SCN9A: variants seen among roughly 807,000 people sequenced by gnomAD.
SCN9A encodes sodium voltage-gated channel alpha subunit 9, also known as sodium channel protein type 9 subunit alpha.
SCN9A carries 131 observed loss-of-function variants against 187.0 expected under a neutral mutation model. The ratio of observed to expected loss-of-function variants is 0.70; its 90% CI spans 0.61 to 0.81. SCN9A has a LOEUF of 0.81. SCN9A is among the 30% of genes least tolerant of loss of function. SCN9A has a pLI of 0.00. For missense variants in SCN9A, 2,252 were observed against 2,396.6 expected (o/e 0.94, Z 1.26); for synonymous variants, 809 against 808.6 (o/e 1.00, Z -0.01).
intron 12 of SCN9A, among the ~76,000 whole-genome samples, chr2:166,283,612 C>A (rs115439062): frequency 3.3e-5 from 5 of 152,256 alleles, no homozygotes; most frequent in African/African-American, 1.2e-4. Context: ...TTTGGAACTG[C>A]TGTAAAATGA....
chr2:166,277,005 A>G lies in SCN9A; in HGVS notation c.2852T>C (p.Val951Ala), dbSNP rs201890077. 185 of 1,613,732 alleles carry G rather than the reference A, an allele frequency of 1.1e-4. 1 individual carries two copies. In the South Asian group the frequency reaches 1.9e-3, roughly 16 times the overall value. The change falls in exon 16 of 27, where the codon GTC becomes GCC. Residue 951 changes from valine to alanine, a missense_variant. By Grantham distance (64) the Val-to-Ala change is moderately conservative. This residue lies in a region of SCN9A where 119 missense variants were observed against 188.7 expected (regional missense o/e 0.63). Coordinates refer to ENST00000642356, the MANE Select transcript of SCN9A (RefSeq NM_001365536.1). ...TACCACCAGGTTTCCAATGACCATG[A>G]CCATCATGTAAACAATAAGGCACAT... is the stretch of plus-strand genomic sequence containing the variant. ...QAMCLIVYMM[V>A]MVIGNLVVLN...
chr2:166,313,027 T>C (rs1699011427), intron 1 of SCN9A, among the ~76,000 whole-genome samples: 1 of 27,418 alleles, frequency 3.6e-5, no homozygotes, highest in Admixed American at 2.6e-4. Flanking sequence ...AATATAGTTA[T>C]TATTTAATTT....
chr2:166,210,482 A>AAAAAAT (rs1694034457), intron 24 of SCN9A, among the ~76,000 whole-genome samples: 1 of 149,992 alleles, frequency 6.7e-6, no homozygotes, highest in African/African-American at 2.4e-5. Flanking sequence ...ATAAAAAAAT[A>AAAAAAT]AAAAATAAAA....
intron 24 of SCN9A, among the ~76,000 whole-genome samples, chr2:166,206,671 AAG>A (rs1006352287): frequency 6.6e-6 from 1 of 152,212 alleles, no homozygotes; most frequent in Non-Finnish European, 1.5e-5. Flanking sequence ...ATAATAAAAA[AAG>A]AATAGGGGCT....
rs979623696 is a variant in SCN9A at position 166,198,111 on chromosome 2, A to G, written c.*561T>C. On this transcript the variant is annotated 3_prime_UTR_variant, in exon 27 of 27. Transcript: ENST00000642356. ...GCACATATAAATTGGTTCTGATGCA[A>G]TGTAGAATAAATTTAAGCACCTCAA... 4 of 152,252 alleles carry G rather than the reference A, an allele frequency of 2.6e-5. No individual in the cohort carries two copies. The highest frequency in any genetic ancestry group is 9.7e-5 in the African/African-American group (4 of 41,282). The allele number at this position is 152,252 out of a possible 1,614,324, so 9.4% of individuals were successfully genotyped here.
At chr2:166,367,892 AGTC>A (rs1385278001) in intron 1 of SCN9A, among the ~76,000 whole-genome samples, 2 of 152,242 alleles carry the variant, frequency 1.3e-5, no homozygotes, top group Admixed American at 6.5e-5. Context: ...AAATTGAAAC[AGTC>A]ATCCATCTTT....
At chr2:166,326,950 A>G (rs943739117) in intron 1 of SCN9A, among the ~76,000 whole-genome samples, 5 of 152,286 alleles carry the variant, frequency 3.3e-5, no homozygotes, top group African/African-American at 7.2e-5. Context: ...TGGGACCACT[A>G]TGGGTTATCT....
chr2:166,324,349 C>A (rs996018686), intron 1 of SCN9A, among the ~76,000 whole-genome samples: 10 of 151,870 alleles, frequency 6.6e-5, no homozygotes, highest in African/African-American at 2.4e-4. Context: ...TTTGGAAGAT[C>A]TGCCAAAATC....
intron 1 of SCN9A, among the ~76,000 whole-genome samples, chr2:166,332,924 T>TTTTAA (rs1699541029): frequency 2.0e-5 from 3 of 151,560 alleles, no homozygotes; most frequent in Non-Finnish European, 2.9e-5. Flanking sequence ...TACTCTAAAA[T>TTTTAA]ATTTTAAAAT....
In SCN9A at chr2:166,286,592, C is replaced by T. The variant is rs780271531; in HGVS notation, c.1346G>A (p.Ser449Asn). Residue 449 changes from serine to asparagine, a missense_variant, in exon 11 of 27, where the codon AGT (serine) becomes AAT (asparagine). Physicochemically the swap from Ser to Asn is conservative, Grantham distance 46. Transcript: ENST00000642356. ...GCCCATAATTCTGCTTCTCCTAATA[C>T]TTGTATATTCAGCCGCTGCCGCTGC... ...AIAAAAAEYT[S>N]IRRSRIMGLS... 4 of 1,577,094 alleles carry T rather than the reference C, an allele frequency of 2.5e-6. No homozygotes were observed. The highest frequency in any genetic ancestry group is 1.2e-5 in the South Asian group (1 of 84,028).
At chr2:166,335,358 G>C (rs1699601489) in intron 1 of SCN9A, among the ~76,000 whole-genome samples, 1 of 152,102 alleles carries the variant, frequency 6.6e-6, no homozygotes, top group Admixed American at 6.6e-5. Context: ...TAAACGTTCT[G>C]TTTGCCAGCA....
intron 26 of SCN9A, among the ~76,000 whole-genome samples, 164 bp from the exon 27 acceptor site, chr2:166,200,028 C>T (rs562626614): frequency 7.6e-4 from 58 of 76,142 alleles, no homozygotes; most frequent in East Asian, 5.9e-3. Context: ...GACGGAGTCT[C>T]GCTCTGTCGC....
chr2:166,320,302 C>T (rs908496965), intron 1 of SCN9A, among the ~76,000 whole-genome samples: 2 of 151,888 alleles, frequency 1.3e-5, no homozygotes, highest in African/African-American at 2.4e-5. Context: ...AGATATTATA[C>T]CTCTCTCTTG....
At position 166,284,639 on chromosome 2, in the gene SCN9A, C is replaced by T. The variant is rs2106483282; in HGVS notation, c.1788G>A (p.Glu596=). ...GSLFVPHRPQ[E]RRSSNISQAS... The stretch of plus-strand genomic sequence containing the variant: ...CTTGGCTGATGTTACTGCTGCGTCG[C>T]TCCTGGGGTCTGTGGGGCACAAACA... Residue 596 remains glutamate (E), a synonymous_variant, in exon 12 of 27, where the codon GAG becomes GAA. Transcript: ENST00000642356. 1 of 1,614,020 alleles carries T rather than the reference C, an allele frequency of 6.2e-7. No individual in the cohort carries two copies. Among genetic ancestry groups the T allele is most frequent in the East Asian group, 2.2e-5 (1 of 44,882 alleles).
intron 9 of SCN9A, among the ~76,000 whole-genome samples, chr2:166,291,831 C>CACATTAT (rs1698085861): frequency 1.3e-5 from 2 of 152,130 alleles, no homozygotes; most frequent in Non-Finnish European, 2.9e-5. Flanking sequence ...AAAGGATTCC[C>CACATTAT]TATATAATAA....
At position 166,277,972 on chromosome 2, in the gene SCN9A, G is replaced by A. The variant is rs984473328; in HGVS notation, c.2517+168C>T. 6 of 542,236 alleles carry A rather than the reference G, an allele frequency of 1.1e-5. No individual in the cohort carries two copies. In the Admixed American group the frequency reaches 1.1e-4, roughly 10 times the overall value. The allele number at this position is 542,236 out of a possible 1,614,324, so 33.6% of individuals were successfully genotyped here. On this transcript the variant is annotated intron_variant, in intron 15 of 26. Transcript: ENST00000642356. The stretch of plus-strand genomic sequence containing the variant: ...CAAAAATTGTAAAAATATTCATGTG[G>A]TTTTAGTTCTTTAAGTGCATTTGTC...
At chr2:166,202,850 A>C (rs1212484997) in intron 26 of SCN9A, among the ~76,000 whole-genome samples, 1 of 151,638 alleles carries the variant, frequency 6.6e-6, no homozygotes, top group Non-Finnish European at 1.5e-5. Flanking sequence ...TTTTTAGTTG[A>C]TTCTCTTTCA....
At chr2:166,333,159 A>G (rs1260003757) in intron 1 of SCN9A, among the ~76,000 whole-genome samples, 3 of 152,084 alleles carry the variant, frequency 2.0e-5, no homozygotes, top group Admixed American at 1.3e-4. Flanking sequence ...CAGAGTTAGC[A>G]AAAAGAATAC....
At chr2:166,223,789 GT>G (rs1176006692) in intron 24 of SCN9A, among the ~76,000 whole-genome samples, 1 of 151,718 alleles carries the variant, frequency 6.6e-6, no homozygotes, top group African/African-American at 2.4e-5. Flanking sequence ...ACTTTCATTT[GT>G]TTTTTTTCTT....
Sources: allele counts gnomAD v4.1 joint callset (sites outside exome capture counted in the v4.1 genomes callset), GRCh38; gene constraint gnomAD v4.1.1; regional missense constraint gnomAD v4.1.1; transcripts MANE v1.5; gene names NCBI Gene and HGNC (gene_info 2026-07-23, HGNC 2026-07-21).